The following VWA3B variants were observed in gnomAD, a reference collection of about 807,000 sequenced individuals.
The protein encoded by VWA3B is von Willebrand factor A domain-containing protein 3B.
VWA3B carries 138 observed loss-of-function variants against 158.3 expected under a neutral mutation model. The observed-to-expected ratio is 0.87, with a 90% confidence interval of 0.76 to 1.00. The LOEUF (loss-of-function observed/expected upper bound fraction) is 1.00. VWA3B is among the 50% of genes least tolerant of loss of function. VWA3B has a pLI of 0.00. For missense variants in VWA3B, 1,555 were observed against 1,565.1 expected (o/e 0.99, Z 0.11); for synonymous variants, 596 against 587.3 (o/e 1.01, Z -0.21).
At chr2:98,198,638 A>G (rs1682266569) in intron 12 of VWA3B, among the ~76,000 whole-genome samples, 2 of 152,122 alleles carry the variant, frequency 1.3e-5, no homozygotes, top group Admixed American at 6.5e-5. Flanking sequence ...AAAGGGACCA[A>G]TTCTATCACT....
intron 22 of VWA3B, among the ~76,000 whole-genome samples, chr2:98,275,618 C>T (rs1051208804): frequency 5.9e-5 from 9 of 152,242 alleles, no homozygotes; most frequent in South Asian, 2.1e-4. Flanking sequence ...TGTGAGACCA[C>T]GTACTTCACA....
intron 25 of VWA3B, among the ~76,000 whole-genome samples, chr2:98,302,085 T>C (rs1338662109): frequency 6.6e-6 from 1 of 152,072 alleles, no homozygotes; most frequent in Non-Finnish European, 1.5e-5. Flanking sequence ...AGGACCCCAG[T>C]GTGGCCCCAG....
chr2:98,181,240 C>CT lies in VWA3B; in HGVS notation c.1311+29dup, dbSNP rs760769125. The CT allele has an allele frequency of 3.1e-5, 49 of 1,605,014 alleles. No individual in the cohort carries two copies. In the South Asian group the frequency reaches 4.6e-4, roughly 15 times the overall value. On this transcript the variant is annotated intron_variant, in intron 9 of 27. Coordinates refer to ENST00000477737, the MANE Select transcript of VWA3B (RefSeq NM_144992.5). ...AGGTGAAGTGCACTCCTGGGAGGGG[C>CT]TGGGGCCTCCCCTCAAGTCCTGGGT...
chr2:98,199,499 T>A (rs901312901), intron 12 of VWA3B, among the ~76,000 whole-genome samples: 7 of 152,116 alleles, frequency 4.6e-5, no homozygotes, highest in African/African-American at 1.7e-4. Flanking sequence ...TTGTACTAGC[T>A]CCCTGAGCCC....
intron 2 of VWA3B, among the ~76,000 whole-genome samples, chr2:98,109,416 G>C (rs1486468128): frequency 6.6e-6 from 1 of 152,144 alleles, no homozygotes. Context: ...GTGATGAGCA[G>C]AAACCTTCTT....
At chr2:98,223,593 G>A (rs897681314) in intron 14 of VWA3B, among the ~76,000 whole-genome samples, 2 of 152,094 alleles carry the variant, frequency 1.3e-5, no homozygotes, top group African/African-American at 2.4e-5. Context: ...TGAGAAAAAT[G>A]ACACCAATTC....
At position 98,115,764 on chromosome 2, in the gene VWA3B, C is replaced by T; in HGVS notation, c.291+18C>T. ...TATACAATGTAAGTCAGAGTTCCCT[C>T]AATGCGCAGTCCTGTGACATGGTGC... On this transcript the variant is annotated intron_variant, in intron 3 of 27. Coordinates refer to ENST00000477737, the MANE Select transcript of VWA3B (RefSeq NM_144992.5). 1 of 1,588,104 alleles carries T rather than the reference C, an allele frequency of 6.3e-7. No homozygotes were observed. Among genetic ancestry groups the T allele is most frequent in the Non-Finnish European group, 8.6e-7 (1 of 1,158,406 alleles).
chr2:98,244,202 T>C (rs1167860288), intron 19 of VWA3B, among the ~76,000 whole-genome samples: 2 of 152,188 alleles, frequency 1.3e-5, no homozygotes, highest in Admixed American at 1.3e-4. Flanking sequence ...ATTTTAGTGA[T>C]TACACTAACA....
intron 22 of VWA3B, among the ~76,000 whole-genome samples, chr2:98,272,394 T>G (rs772625511): frequency 1.3e-5 from 2 of 152,220 alleles, no homozygotes; most frequent in African/African-American, 2.4e-5. Flanking sequence ...TTTCCCTGAG[T>G]GCTCTCCCTG....
At chr2:98,089,672 C>T (rs1682135530) in intron 1 of VWA3B, among the ~76,000 whole-genome samples, 1 of 147,998 alleles carries the variant, frequency 6.8e-6, no homozygotes, top group Admixed American at 6.7e-5. Context: ...CCAGACAATA[C>T]AAATATTCCA....
the VWA3B span, among the ~76,000 whole-genome samples, chr2:98,325,480 T>G: frequency 1.1e-4 from 17 of 152,090 alleles, no homozygotes; most frequent in African/African-American, 4.1e-4. Context: ...CAGATAAAAG[T>G]AAGCCAAAAG....
intron 3 of VWA3B, among the ~76,000 whole-genome samples, chr2:98,117,772 T>C (rs1345969338): frequency 1.4e-5 from 2 of 142,244 alleles, no homozygotes; most frequent in Non-Finnish European, 3.1e-5. Context: ...TTTTTTTTGA[T>C]GGAGTTTCAC....
intron 9 of VWA3B, among the ~76,000 whole-genome samples, chr2:98,184,097 G>T (rs79925918): frequency 0.011 from 1,675 of 152,304 alleles, 42 homozygotes; most frequent in East Asian, 0.11. Flanking sequence ...TGGAGGCAGG[G>T]TTTGAACTTG....
chr2:98,161,075 C>T (rs1364901047), intron 7 of VWA3B, among the ~76,000 whole-genome samples: 4 of 152,104 alleles, frequency 2.6e-5, no homozygotes, highest in African/African-American at 7.2e-5. Flanking sequence ...TGGGGTGCCC[C>T]GTAGACTGGA....
At chr2:98,113,703 C>G (rs1481418888) in intron 2 of VWA3B, among the ~76,000 whole-genome samples, 1 of 152,170 alleles carries the variant, frequency 6.6e-6, no homozygotes, top group Non-Finnish European at 1.5e-5. Flanking sequence ...TTTCCTACCC[C>G]TAAACTTTCT....
intron 26 of VWA3B, among the ~76,000 whole-genome samples, chr2:98,309,389 T>A (rs916459144): frequency 1.3e-5 from 2 of 152,162 alleles, no homozygotes; most frequent in Admixed American, 1.3e-4. Context: ...GGTCATTGTG[T>A]GGTCCTGGGG....
intron 8 of VWA3B, among the ~76,000 whole-genome samples, chr2:98,167,538 G>A (rs906226885): frequency 1.1e-4 from 16 of 152,132 alleles, no homozygotes; most frequent in Non-Finnish European, 1.2e-4. Flanking sequence ...AGGAACGTAG[G>A]TGGAGCCCAG....
intron 22 of VWA3B, among the ~76,000 whole-genome samples, chr2:98,289,852 T>C (rs1689382534): frequency 6.6e-6 from 1 of 152,230 alleles, no homozygotes; most frequent in African/African-American, 2.4e-5. Flanking sequence ...TTTTCTTTAT[T>C]TTCCTTTTCT....
At chr2:98,164,490 A>G (rs531129191) in intron 8 of VWA3B, among the ~76,000 whole-genome samples, 2 of 152,186 alleles carry the variant, frequency 1.3e-5, no homozygotes, top group East Asian at 3.9e-4. Flanking sequence ...AAGCCTCATA[A>G]CTCTATGAGG....
Sources: allele counts gnomAD v4.1 joint callset (sites outside exome capture counted in the v4.1 genomes callset), GRCh38; gene constraint gnomAD v4.1.1; transcripts MANE v1.5; gene names NCBI Gene and HGNC (gene_info 2026-07-23, HGNC 2026-07-21).